The following TTI1 variants were observed in gnomAD, a reference collection of about 807,000 sequenced individuals.
TTI1 encodes TELO2 interacting protein 1.
A neutral mutation model predicts 85.4 loss-of-function variants in TTI1; 52 were observed. The observed-to-expected ratio is 0.61, with a 90% CI of 0.49 to 0.77. The LOEUF is 0.77. Among genes scored for constraint, TTI1 ranks in the 30% least tolerant of loss-of-function variants. The pLI is 0.00. For missense variants in TTI1, 1,173 were observed against 1,296.0 expected, an observed-to-expected ratio of 0.91 and a Z score of 1.46; for synonymous variants, 512 against 503.9, an observed-to-expected ratio of 1.02 and a Z score of -0.22.
In TTI1 at chr20:37,996,762, C is replaced by G; in HGVS notation, c.2985G>C (p.Glu995Asp). Residue 995 changes from glutamate to aspartate, a missense_variant, in exon 6 of 8, where the codon GAG becomes GAC. Glu to Asp is a conservative substitution (Grantham distance 45, BLOSUM62 2). Transcript: ENST00000373447. ...AVLQGLGPLC[E>D]RLDLGEGDLN... ...CCTGGTACCCACCTAGGTCCAGTCTCTCACAGAGGGGGCCCAGGCCCTGTA... is the reference window on the plus strand; with the variant it reads ...CCTGGTACCCACCTAGGTCCAGTCTGTCACAGAGGGGGCCCAGGCCCTGTA... 1 of 1,611,226 alleles carries G rather than the reference C, an allele frequency of 6.2e-7. No individual in the cohort carries two copies. The highest frequency in any genetic ancestry group is 8.5e-7 in the Non-Finnish European group (1 of 1,177,988).
At chr20:38,008,896 G>C (rs148923218) in intron 2 of TTI1, among the ~76,000 whole-genome samples, 53 of 152,182 alleles carry the variant, frequency 3.5e-4, no homozygotes, top group Middle Eastern at 3.4e-3. Flanking sequence ...CTCTAAGTTT[G>C]CTTCTGTTCC....
At chr20:38,008,755 T>A (rs1372448633) in intron 2 of TTI1, among the ~76,000 whole-genome samples, 1 of 152,204 alleles carries the variant, frequency 6.6e-6, no homozygotes, top group African/African-American at 2.4e-5. Context: ...GATAATTCTA[T>A]GACAAACAGA....
chr20:38,000,711 G>C (rs917732896), intron 4 of TTI1, among the ~76,000 whole-genome samples: 2 of 152,242 alleles, frequency 1.3e-5, no homozygotes, highest in African/African-American at 4.8e-5. Flanking sequence ...GGGAGCAGGG[G>C]ATCAGGGGAG....
At chr20:37,997,154 T>C (rs1310730591) in intron 5 of TTI1, among the ~76,000 whole-genome samples, 1 of 152,018 alleles carries the variant, frequency 6.6e-6, no homozygotes, top group East Asian at 1.9e-4. Context: ...CATGGCTGCT[T>C]CTACCCATAA....
In TTI1 at chr20:37,983,148, T is replaced by TTG. The variant is rs58870719; in HGVS notation, c.*306_*307dup. 7.3e-3 allele frequency: 1,879 copies of TTG among 256,068 alleles called. 30 individuals carry two copies. The highest frequency in any genetic ancestry group is 0.036 in the African/African-American group (1,566 of 43,046). 15.9% of individuals were successfully genotyped at this position (256,068 alleles called of 1,614,324 possible). A position where few individuals can be genotyped will look rare whatever the true frequency, so the allele number is the denominator to read the frequency against. On this transcript the variant is annotated 3_prime_UTR_variant, in exon 8 of 8. Transcript: ENST00000373447. ...ATGCAGATGGAGGGGAACTGACCTCTTGTGTGTGTGTGTGTGTGGCCTGTG... is the reference window on the plus strand; with the variant it reads ...ATGCAGATGGAGGGGAACTGACCTCTTGTGTGTGTGTGTGTGTGTGGCCTGTG...
Position 38,012,353 on chromosome 20 carries a change from C to T in TTI1, c.1464G>A (p.Leu488=). ...FFTDERIFML[L]RQVCQLLGYY... Reference sequence around the variant, plus strand: ...AACCAAGTAGCTGACAAACCTGCCTCAAGAGCATGAAGATTCTCTCATCAG... The same window carrying T: ...AACCAAGTAGCTGACAAACCTGCCTTAAGAGCATGAAGATTCTCTCATCAG... Residue 488 remains leucine, a synonymous_variant, in exon 2 of 8, where the codon TTG becomes TTA. Coordinates refer to ENST00000373447, the MANE Select transcript of TTI1 (RefSeq NM_001303457.2). The T allele has an allele frequency of 1.2e-6, 2 of 1,614,146 alleles. No individual in the cohort carries two copies. The highest frequency in any genetic ancestry group is 1.7e-6 in the Non-Finnish European group (2 of 1,180,032).
At chr20:37,983,773 T>C (rs2073153878) in intron 7 of TTI1, 134 bp from the exon 8 acceptor site, 4 of 906,442 alleles carry the variant, frequency 4.4e-6, no homozygotes, top group East Asian at 6.5e-5. Flanking sequence ...CTTCAAATAG[T>C]AGAAAAAACC....
At chr20:37,987,696 C>A (rs916896367) in intron 7 of TTI1, among the ~76,000 whole-genome samples, 20 of 152,236 alleles carry the variant, frequency 1.3e-4, no homozygotes, top group Non-Finnish European at 2.2e-4. Flanking sequence ...TTAGAACTCG[C>A]TGTTAGGCAG....
chr20:38,010,727 T>C (rs1341050434), intron 2 of TTI1, among the ~76,000 whole-genome samples: 3 of 152,038 alleles, frequency 2.0e-5, no homozygotes, highest in Admixed American at 1.3e-4. Flanking sequence ...CCGCCTGCCT[T>C]GGCCTCCCAA....
intron 7 of TTI1, among the ~76,000 whole-genome samples, chr20:37,988,418 A>G (rs1259912412): frequency 6.6e-6 from 1 of 152,236 alleles, no homozygotes; most frequent in East Asian, 1.9e-4. Flanking sequence ...ATATGTTCTC[A>G]CCATCTCTGT....
At chr20:38,025,639 T>C (rs2073827405) in intron 1 of TTI1, among the ~76,000 whole-genome samples, 1 of 151,292 alleles carries the variant, frequency 6.6e-6, no homozygotes, top group South Asian at 2.1e-4. Context: ...GAGACAAAGA[T>C]GTCAGAATTA....
intron 1 of TTI1, among the ~76,000 whole-genome samples, chr20:38,028,777 T>A (rs1311658528): frequency 6.6e-6 from 1 of 152,212 alleles, no homozygotes; most frequent in Non-Finnish European, 1.5e-5. Context: ...GGCTCGATGA[T>A]GGCTCACTGC....
chr20:38,025,343 T>C (rs1015206220), intron 1 of TTI1, among the ~76,000 whole-genome samples: 1 of 152,060 alleles, frequency 6.6e-6, no homozygotes, highest in African/African-American at 2.4e-5. Flanking sequence ...CTGTGGCTGG[T>C]AGATCACCTG....
intron 7 of TTI1, among the ~76,000 whole-genome samples, chr20:37,991,990 A>G (rs529224803): frequency 3.1e-4 from 47 of 152,344 alleles, no homozygotes; most frequent in African/African-American, 1.1e-3. Context: ...GTAAGATCTG[A>G]ACCTCGGTTT....
intron 4 of TTI1, chr20:38,000,394 C>A (rs2073405496): frequency 7.0e-6 from 1 of 142,688 alleles, no homozygotes; most frequent in East Asian, 2.1e-4. Context: ...TCTCTTATAT[C>A]TCAAACTCAC....
At position 37,983,447 on chromosome 20, in the gene TTI1, G is replaced by A. The variant is rs1217030015; in HGVS notation, c.*9C>T. On this transcript the variant is annotated 3_prime_UTR_variant, in exon 8 of 8. Coordinates refer to ENST00000373447, the MANE Select transcript of TTI1 (RefSeq NM_001303457.2). ...AGGGATCGGTGGCCTCTGTGGTGGGGGAGCAGGGTCACTGCAGCTCCTTGA... is the reference window on the plus strand; with the variant it reads ...AGGGATCGGTGGCCTCTGTGGTGGGAGAGCAGGGTCACTGCAGCTCCTTGA... 7 of 1,608,066 alleles carry A rather than the reference G, an allele frequency of 4.4e-6. 1 individual carries two copies. In the South Asian group the frequency reaches 6.6e-5, roughly 15 times the overall value.
At chr20:37,994,039 G>C (rs1255744420) in intron 7 of TTI1, among the ~76,000 whole-genome samples, 2 of 152,174 alleles carry the variant, frequency 1.3e-5, no homozygotes, top group African/African-American at 4.8e-5. Flanking sequence ...CATGGATGTA[G>C]GGTGTGAAGG....
chr20:37,986,515 C>G (rs2073192271), intron 7 of TTI1, among the ~76,000 whole-genome samples: 1 of 152,196 alleles, frequency 6.6e-6, no homozygotes, highest in Non-Finnish European at 1.5e-5. Flanking sequence ...TTTTGGGTCT[C>G]ATTTCTTTGC....
At chr20:38,001,822 G>A (rs2073429617) in intron 4 of TTI1, among the ~76,000 whole-genome samples, 1 of 152,068 alleles carries the variant, frequency 6.6e-6, no homozygotes, top group Admixed American at 6.5e-5. Context: ...GGGTTCAAGC[G>A]ATTCTCCTGC....
Sources: gnomAD v4.1 joint callset for allele counts (sites outside exome capture counted in the v4.1 genomes callset) on GRCh38, gnomAD v4.1.1 for gene constraint, MANE v1.5 for transcripts, NCBI Gene and HGNC (gene_info 2026-07-23, HGNC 2026-07-21) for gene names.